DPP10: variants seen among roughly 807,000 people sequenced by gnomAD.
DPP10 encodes inactive dipeptidyl peptidase 10.
A neutral mutation model predicts 120.9 loss-of-function variants in DPP10; 33 were observed. The ratio of observed to expected loss-of-function variants is 0.27; its 90% CI spans 0.21 to 0.37. The LOEUF (loss-of-function observed/expected upper bound fraction) is 0.37, where lower values mean the gene tolerates loss of function less well. Among genes scored for constraint, DPP10 ranks in the 10% least tolerant of loss-of-function variants. The probability of loss-of-function intolerance (pLI) is 1.00; values close to 1 mark genes in which losing one functional copy is unlikely to be tolerated. For synonymous variants in DPP10, 337 were observed against 326.1 expected (o/e 1.03, Z -0.36); for missense variants, 816 against 942.8 (o/e 0.87, Z 1.76).
chr2:115,594,535 G>A (rs754366147), intron 5 of DPP10, among the ~76,000 whole-genome samples: 1 of 152,082 alleles, frequency 6.6e-6, no homozygotes, highest in Admixed American at 6.6e-5. Context: ...TGTTCTTCCC[G>A]ATATTACACT....
At chr2:115,060,315 G>GTAATTCTAGCAATT (rs1269620083) in intron 1 of DPP10, among the ~76,000 whole-genome samples, 15 of 151,996 alleles carry the variant, frequency 9.9e-5, no homozygotes, top group African/African-American at 3.4e-4. Flanking sequence ...TATAAAGCCC[G>GTAATTCTAGCAATT]TGGGCTGTGA....
intron 5 of DPP10, among the ~76,000 whole-genome samples, chr2:115,684,078 T>C (rs1172166878): frequency 6.6e-6 from 1 of 151,974 alleles, no homozygotes; most frequent in African/African-American, 2.4e-5. Flanking sequence ...TTTAAGGTTA[T>C]AGTGAACATT....
chr2:115,666,256 C>G (rs187346415), intron 5 of DPP10, among the ~76,000 whole-genome samples: 2 of 152,246 alleles, frequency 1.3e-5, no homozygotes, highest in Admixed American at 1.3e-4. Flanking sequence ...TTAATTGATT[C>G]ACAGTTATGC....
At chr2:115,779,258 T>A (rs953308995) in intron 15 of DPP10, among the ~76,000 whole-genome samples, 4 of 152,126 alleles carry the variant, frequency 2.6e-5, no homozygotes, top group Non-Finnish European at 5.9e-5. Flanking sequence ...ATCTCTGACA[T>A]GTACTAGTGT....
chr2:115,480,525 CAA>C (rs1299945849), intron 3 of DPP10, among the ~76,000 whole-genome samples: 20 of 152,158 alleles, frequency 1.3e-4, no homozygotes, highest in African/African-American at 4.6e-4. Context: ...TTGATAGGAA[CAA>C]AAATGGTGAT....
intron 1 of DPP10, among the ~76,000 whole-genome samples, chr2:114,938,537 A>G (rs548215465): frequency 1.3e-5 from 2 of 152,282 alleles, no homozygotes; most frequent in South Asian, 4.1e-4. Flanking sequence ...GCAGCTTAGC[A>G]AAAATTCATG....
intron 1 of DPP10, among the ~76,000 whole-genome samples, chr2:115,003,176 T>TTA (rs1553468790): frequency 7.4e-6 from 1 of 134,396 alleles, no homozygotes; most frequent in African/African-American, 2.8e-5. Context: ...TATGTAGCTA[T>TTA]AAAAAAAAAA....
chr2:115,204,007 G>C (rs1272356577), intron 1 of DPP10, among the ~76,000 whole-genome samples: 3 of 152,094 alleles, frequency 2.0e-5, no homozygotes, highest in Non-Finnish European at 4.4e-5. Context: ...ACAAATTTCT[G>C]TGGCGATGGG....
At position 115,048,222 on chromosome 2, in the gene DPP10, A is replaced by G. The variant is rs369387749; in HGVS notation, c.61-261017A>G. ...CATCAGCTTCTTTTCCCTTGTTTCA[A>G]TGTTTCTCAACTGAGTAGCTCCAGC... On this transcript the variant is annotated intron_variant, in intron 1 of 25. Coordinates refer to ENST00000410059, the MANE Select transcript of DPP10 (RefSeq NM_020868.6). Among the ~76,000 whole-genome samples, 24 of 152,000 alleles carry G rather than the reference A, an allele frequency of 1.6e-4. 1 individual carries two copies. In the South Asian group the frequency reaches 1.9e-3, roughly 12 times the overall value.
intron 1 of DPP10, among the ~76,000 whole-genome samples, chr2:115,227,465 C>T (rs1367600499): frequency 6.6e-6 from 1 of 152,122 alleles, no homozygotes; most frequent in Non-Finnish European, 1.5e-5. Flanking sequence ...CAGTGAAGTT[C>T]ATCCTTCTTA....
chr2:115,037,069 A>T (rs1438225108), intron 1 of DPP10, among the ~76,000 whole-genome samples: 1 of 152,152 alleles, frequency 6.6e-6, no homozygotes, highest in Non-Finnish European at 1.5e-5. Context: ...ACAAAAACAG[A>T]CCAGAACTCA....
At chr2:114,955,267 C>T (rs924928868) in intron 1 of DPP10, among the ~76,000 whole-genome samples, 6 of 152,156 alleles carry the variant, frequency 3.9e-5, no homozygotes, top group African/African-American at 1.4e-4. Flanking sequence ...GTGAGGACCA[C>T]CAGAGGTCAC....
At chr2:115,297,514 T>A (rs1274072391) in intron 1 of DPP10, among the ~76,000 whole-genome samples, 1 of 152,088 alleles carries the variant, frequency 6.6e-6, no homozygotes, top group Non-Finnish European at 1.5e-5. Context: ...ATAAATATTA[T>A]ACTAAGCCCA....
chr2:115,484,407 A>G (rs2105295998), intron 3 of DPP10, among the ~76,000 whole-genome samples: 2 of 152,192 alleles, frequency 1.3e-5, no homozygotes, highest in Middle Eastern at 3.4e-3. Flanking sequence ...ACCAACACAT[A>G]ATCAATGCTT....
At chr2:115,071,157 G>C (rs1438610337) in intron 1 of DPP10, among the ~76,000 whole-genome samples, 1 of 152,142 alleles carries the variant, frequency 6.6e-6, no homozygotes, top group Non-Finnish European at 1.5e-5. Flanking sequence ...CAAAGAGTCA[G>C]CAATAGAAAA....
At chr2:115,452,539 G>T (rs708655) in intron 3 of DPP10, among the ~76,000 whole-genome samples, 1 of 151,762 alleles carries the variant, frequency 6.6e-6, no homozygotes, top group Non-Finnish European at 1.5e-5. Context: ...CCTGTATTCT[G>T]AGAGATGAAA....
At chr2:115,799,220 CCT>C (rs1316587712) in intron 19 of DPP10, among the ~76,000 whole-genome samples, 2 of 151,906 alleles carry the variant, frequency 1.3e-5, no homozygotes, top group Non-Finnish European at 2.9e-5. Flanking sequence ...ACATAATCTC[CCT>C]GTTTTTCATC....
intron 3 of DPP10, among the ~76,000 whole-genome samples, chr2:115,429,406 A>G (rs2070769476): frequency 6.6e-6 from 1 of 152,180 alleles, no homozygotes; most frequent in African/African-American, 2.4e-5. Flanking sequence ...ATAAATGACA[A>G]GGCAATATGT....
intron 5 of DPP10, among the ~76,000 whole-genome samples, chr2:115,583,590 T>C (rs2082122175): frequency 6.6e-6 from 1 of 152,134 alleles, no homozygotes; most frequent in African/African-American, 2.4e-5. Flanking sequence ...TCTTACATGG[T>C]ATCTCAGGGC....
Sources: gnomAD v4.1 joint callset for allele counts (sites outside exome capture counted in the v4.1 genomes callset) on GRCh38, gnomAD v4.1.1 for gene constraint, MANE v1.5 for transcripts, NCBI Gene and HGNC (gene_info 2026-07-23, HGNC 2026-07-21) for gene names.